WDR72: variants seen among roughly 807,000 people sequenced by gnomAD.
WDR72 encodes WD repeat domain 72.
Under a neutral mutation model 124.2 loss-of-function variants are expected in WDR72, and 120 were observed. The observed-to-expected ratio is 0.97, with a 90% confidence interval of 0.83 to 1.12. The LOEUF (loss-of-function observed/expected upper bound fraction) is 1.12. Ranked by LOEUF, WDR72 falls within the 50% of genes most tolerant of loss-of-function variation. The pLI is 0.00. For synonymous variants in WDR72, 452 were observed against 441.7 expected, an observed-to-expected ratio of 1.02 and a Z score of -0.29; for missense variants, 1,387 against 1,278.8, an observed-to-expected ratio of 1.08 and a Z score of -1.29.
chr15:53,715,435 A>T, intron 4 of WDR72, 68 bp from the exon 5 acceptor site: 1 of 1,571,894 alleles, frequency 6.4e-7, no homozygotes, highest in Non-Finnish European at 8.7e-7. Flanking sequence ...GCTACATTGA[A>T]GATTTCTCTA....
chr15:53,672,863 C>T (rs2016042256), intron 13 of WDR72, among the ~76,000 whole-genome samples: 1 of 152,140 alleles, frequency 6.6e-6, no homozygotes, highest in African/African-American at 2.4e-5. Context: ...GGAGTGGTGG[C>T]TCACTCCTGT....
At position 53,615,628 on chromosome 15, in the gene WDR72, C is replaced by T. The variant is rs202019287; in HGVS notation, c.2578G>A (p.Val860Ile). ...NSGMIKDYSG[V>I]NLFSRKVLDL... ...AAAACTTTCCTGGAAAATAAATTTA[C>T]TCCTGAATAGTCTTTTATCATTCCA... Residue 860 changes from valine to isoleucine, a missense_variant, in exon 15 of 20, where the codon GTA becomes ATA. By Grantham distance (29) the Val-to-Ile change is conservative. Transcript: ENST00000360509. 26 of 1,612,610 alleles carry T rather than the reference C, an allele frequency of 1.6e-5. No individual in the cohort carries two copies. Among genetic ancestry groups the T allele is most frequent in the Non-Finnish European group, 2.0e-5 (24 of 1,179,150 alleles).
intron 18 of WDR72, among the ~76,000 whole-genome samples, chr15:53,549,090 C>A (rs1893615620): frequency 6.6e-6 from 1 of 152,116 alleles, no homozygotes; most frequent in African/African-American, 2.4e-5. Flanking sequence ...ATTTTTATTT[C>A]TTTTAGCATG....
At chr15:53,719,823 G>A (rs759610223) in intron 3 of WDR72, among the ~76,000 whole-genome samples, 5 of 152,138 alleles carry the variant, frequency 3.3e-5, no homozygotes, top group African/African-American at 4.8e-5. Flanking sequence ...TCTGGTGCAC[G>A]CTCAGGATTG....
At chr15:53,641,767 C>G (rs533019090) in intron 14 of WDR72, among the ~76,000 whole-genome samples, 32 of 151,670 alleles carry the variant, frequency 2.1e-4, no homozygotes, top group African/African-American at 7.2e-4. Context: ...ATTGTACATT[C>G]TAATTGGTGT....
chr15:53,715,081 A>T (rs2017665600), intron 5 of WDR72, 112 bp downstream of exon 5: 1 of 1,155,274 alleles, frequency 8.7e-7, no homozygotes, highest in Non-Finnish European at 1.2e-6. Flanking sequence ...ATTAACAGGT[A>T]AGCATAAAGA....
At chr15:53,517,810 GAGAA>G in intron 19 of WDR72, 56 bp from the exon 20 acceptor site, 2 of 1,558,490 alleles carry the variant, frequency 1.3e-6, no homozygotes, top group South Asian at 2.2e-5. Context: ...AGAGAAAAAA[GAGAA>G]AGACCAAGAG....
intron 16 of WDR72, among the ~76,000 whole-genome samples, chr15:53,613,453 AC>A (rs1437774461): frequency 6.6e-6 from 1 of 152,040 alleles, no homozygotes; most frequent in East Asian, 1.9e-4. Context: ...TATAAATGTC[AC>A]CCACCTTATT....
chr15:53,698,129 G>A lies in WDR72; in HGVS notation c.1765+1621C>T, dbSNP rs551254105. Reference sequence around the variant, plus strand: ...AATAACAAAATTAAAATACAGAATGGGAATAAATATAATCTCAAGAAGTAC... The same window carrying A: ...AATAACAAAATTAAAATACAGAATGAGAATAAATATAATCTCAAGAAGTAC... On this transcript the variant is annotated intron_variant, in intron 13 of 19. Coordinates refer to ENST00000360509, the MANE Select transcript of WDR72 (RefSeq NM_182758.4). Among the ~76,000 whole-genome samples the A allele has an allele frequency of 1.4e-4, 21 of 152,188 alleles. No individual in the cohort carries two copies. The South Asian group carries it at 3.7e-3, about 27-fold the overall frequency.
chr15:53,722,749 T>G lies in WDR72; in HGVS notation c.260+53A>C, dbSNP rs2017912127. The G allele has an allele frequency of 3.3e-6, 5 of 1,537,732 alleles. No homozygotes were observed. The Admixed American group carries it at 8.3e-5, about 26-fold the overall frequency. ...CCTAAAATTGTATTCCATTGTAGTT[T>G]TTAAAAAGGGAAGGAAATGGAGAAG... On this transcript the variant is annotated intron_variant, in intron 3 of 19. Transcript: ENST00000360509.
chr15:53,562,124 A>T (rs1197013880), intron 18 of WDR72, among the ~76,000 whole-genome samples: 1 of 151,842 alleles, frequency 6.6e-6, no homozygotes. Context: ...TATTTTACAT[A>T]CAAGCAAACT....
At chr15:53,565,416 C>A (rs2414244) in intron 18 of WDR72, among the ~76,000 whole-genome samples, 27,611 of 151,782 alleles carry the variant, frequency 0.18, 4,640 homozygotes, top group African/African-American at 0.45. Flanking sequence ...TTTTGGAAGG[C>A]AAACACCATT....
chr15:53,644,256 C>T (rs145743992), intron 14 of WDR72, among the ~76,000 whole-genome samples: 1 of 151,932 alleles, frequency 6.6e-6, no homozygotes, highest in African/African-American at 2.4e-5. Flanking sequence ...TGCATCTGTG[C>T]TTGCAATTAG....
intron 18 of WDR72, among the ~76,000 whole-genome samples, chr15:53,581,502 T>C (rs2011924671): frequency 6.6e-6 from 1 of 152,084 alleles, no homozygotes; most frequent in African/African-American, 2.4e-5. Context: ...TTGGATTCTT[T>C]CTTAAACAAT....
intron 2 of WDR72, among the ~76,000 whole-genome samples, chr15:53,730,410 T>C (rs949364194): frequency 6.6e-6 from 1 of 152,218 alleles, no homozygotes; most frequent in Admixed American, 6.5e-5. Flanking sequence ...GAGGAGGGAT[T>C]TGTGCCTAGA....
intron 13 of WDR72, among the ~76,000 whole-genome samples, chr15:53,684,827 G>C (rs1233547139): frequency 2.6e-5 from 4 of 152,228 alleles, no homozygotes; most frequent in Non-Finnish European, 2.9e-5. Context: ...CAGCTTTGAA[G>C]AGAGCAGTGA....
intron 14 of WDR72, among the ~76,000 whole-genome samples, chr15:53,628,098 A>G (rs2014282463): frequency 6.6e-6 from 1 of 152,148 alleles, no homozygotes; most frequent in Non-Finnish European, 1.5e-5. Context: ...CATTAATTAC[A>G]TATTTTAATA....
chr15:53,692,676 A>G (rs1355999695), intron 13 of WDR72, among the ~76,000 whole-genome samples: 1 of 152,204 alleles, frequency 6.6e-6, no homozygotes, highest in Non-Finnish European at 1.5e-5. Context: ...CATATACAAC[A>G]GCATGTGCAT....
intron 14 of WDR72, among the ~76,000 whole-genome samples, chr15:53,658,512 A>G (rs2015504968): frequency 6.6e-6 from 1 of 152,196 alleles, no homozygotes. Flanking sequence ...GGGTGTTGCT[A>G]TGGGCACAGC....
Sources: gnomAD v4.1 joint callset for allele counts (sites outside exome capture counted in the v4.1 genomes callset) on GRCh38, gnomAD v4.1.1 for gene constraint, MANE v1.5 for transcripts, NCBI Gene and HGNC (gene_info 2026-07-23, HGNC 2026-07-21) for gene names.